The following DNAAF5 variants were observed in gnomAD, a reference collection of about 807,000 sequenced individuals.
DNAAF5 encodes dynein axonemal assembly factor 5.
DNAAF5 carries 64 observed loss-of-function variants against 75.8 expected under a neutral mutation model. The observed-to-expected ratio is 0.84, with a 90% CI of 0.69 to 1.04. The LOEUF is 1.04. Among genes scored for constraint, DNAAF5 ranks in the 50% least tolerant of loss-of-function variants. The pLI, the probability that DNAAF5 is intolerant of heterozygous loss-of-function variation, is 0.00. For missense variants in DNAAF5, 1,269 were observed against 1,178.5 expected (o/e 1.08, Z -1.12); for synonymous variants, 657 against 557.2 (o/e 1.18, Z -2.52).
chr7:740,471 G>T (rs1781868904), intron 2 of DNAAF5, among the ~76,000 whole-genome samples: 1 of 152,226 alleles, frequency 6.6e-6, no homozygotes, highest in Non-Finnish European at 1.5e-5. Context: ...AGAAGACTTT[G>T]AACACGCTGC....
Position 780,005 on chromosome 7 carries a change from C to T in DNAAF5, c.2292C>T (p.Ala764=), listed in dbSNP as rs1309513674. Reference sequence around the variant, plus strand: ...CCAACGATGTGAGGATGGCAGCCGCCTCCACCTTGGTCACCTGGCTGCAGT... The same window carrying T: ...CCAACGATGTGAGGATGGCAGCCGCTTCCACCTTGGTCACCTGGCTGCAGT... The part of the protein sequence containing the change: ...DVSNDVRMAA[A]STLVTWLQCV... Residue 764 remains alanine, a synonymous_variant, in exon 12 of 13, where the codon GCC becomes GCT. Coordinates refer to ENST00000297440, the MANE Select transcript of DNAAF5 (RefSeq NM_017802.4). 2 of 1,614,238 alleles carry T rather than the reference C, an allele frequency of 1.2e-6. No homozygotes were observed. Among genetic ancestry groups the T allele is most frequent in the South Asian group, 2.2e-5 (2 of 91,076 alleles).
At chr7:781,121 TA>T (rs777378576) in intron 12 of DNAAF5, among the ~76,000 whole-genome samples, 2 of 152,248 alleles carry the variant, frequency 1.3e-5, no homozygotes, top group Non-Finnish European at 2.9e-5. Context: ...TATCAAATAC[TA>T]AATCTTACTC....
chr7:765,313 C>T (rs913729699), intron 8 of DNAAF5, among the ~76,000 whole-genome samples: 1 of 152,216 alleles, frequency 6.6e-6, no homozygotes, highest in African/African-American at 2.4e-5. Flanking sequence ...GAGGCAGCGA[C>T]TCCAGAGCCT....
chr7:758,871 C>CG, intron 6 of DNAAF5, among the ~76,000 whole-genome samples: 1 of 151,928 alleles, frequency 6.6e-6, no homozygotes, highest in East Asian at 1.9e-4. Context: ...TTAGTAGAGA[C>CG]GGGGTTTCTC....
chr7:770,831 C>A, intron 9 of DNAAF5: 1 of 511,974 alleles, frequency 2.0e-6, no homozygotes, highest in Non-Finnish European at 3.5e-6. Flanking sequence ...CTAAGGTGGG[C>A]CGGGGGTCCC....
intron 6 of DNAAF5, among the ~76,000 whole-genome samples, chr7:757,219 G>C (rs547279923): frequency 6.6e-6 from 1 of 152,216 alleles, no homozygotes; most frequent in African/African-American, 2.4e-5. Context: ...CCGGGGCCTC[G>C]TCCTGGGCTG....
Position 774,129 on chromosome 7 carries a change from G to A in DNAAF5, c.2013G>A (p.Ala671=), listed in dbSNP as rs1231258358. The A allele has an allele frequency of 9.3e-6, 15 of 1,612,890 alleles. No individual in the cohort carries two copies. The highest frequency in any genetic ancestry group is 4.0e-5 in the African/African-American group (3 of 74,924). The change falls in exon 10 of 13, where the codon GCG becomes GCA. Residue 671 remains alanine (A), a synonymous_variant. Transcript: ENST00000297440. ...AGTGGCATGCGGGGAGGACAGCCGCGGCCATCCGCACGGCTGCCGTGTCCT... is the reference window on the plus strand; with the variant it reads ...AGTGGCATGCGGGGAGGACAGCCGCAGCCATCCGCACGGCTGCCGTGTCCT... The part of the protein sequence containing the change: ...NLQWHAGRTA[A]AIRTAAVSCL...
chr7:746,793 C>T (rs945704850), intron 4 of DNAAF5, among the ~76,000 whole-genome samples: 1 of 152,194 alleles, frequency 6.6e-6, no homozygotes, highest in Non-Finnish European at 1.5e-5. Flanking sequence ...CGCCTCTGTC[C>T]CCTGCATGTG....
At chr7:739,685 C>T (rs1027153035) in intron 2 of DNAAF5, among the ~76,000 whole-genome samples, 1 of 152,192 alleles carries the variant, frequency 6.6e-6, no homozygotes, top group Admixed American at 6.5e-5. Flanking sequence ...CTCACGGGAC[C>T]TTAGTGACGA....
At chr7:758,675 T>A (rs569210807) in intron 6 of DNAAF5, among the ~76,000 whole-genome samples, 12 of 152,266 alleles carry the variant, frequency 7.9e-5, no homozygotes, top group Non-Finnish European at 1.3e-4. Context: ...AATTTTTTTT[T>A]ATTTATTTTT....
At chr7:784,667 TG>T (rs1379001667) in intron 12 of DNAAF5, among the ~76,000 whole-genome samples, 1 of 152,194 alleles carries the variant, frequency 6.6e-6, no homozygotes, top group Non-Finnish European at 1.5e-5. Context: ...TCCGTAAGCA[TG>T]GGTTCATTTC....
chr7:770,806 T>G, intron 9 of DNAAF5, 188 bp downstream of exon 9: 1 of 533,316 alleles, frequency 1.9e-6, no homozygotes, highest in Non-Finnish European at 3.3e-6. Flanking sequence ...CCCACCTCCC[T>G]CCCCCACGCC....
In DNAAF5 at chr7:754,933, C is replaced by T. The variant is rs1174654146; in HGVS notation, c.1257+112C>T. 2 of 810,518 alleles carry T rather than the reference C, an allele frequency of 2.5e-6. No individual in the cohort carries two copies. The highest frequency in any genetic ancestry group is 2.7e-5 in the East Asian group (1 of 36,904). The allele number at this position is 810,518 out of a possible 1,614,324, so 50.2% of individuals were successfully genotyped here. On this transcript the variant is annotated intron_variant, in intron 5 of 12. Coordinates refer to ENST00000297440, the MANE Select transcript of DNAAF5 (RefSeq NM_017802.4). The surrounding 1 kb of genome is among the most constrained non-coding windows in gnomAD (Gnocchi z 4.8). ...ACTGTAGCCAAGACAGCGTTCCCCT[C>T]ACCCCCGGGCCGCAGGCCCTCCCCA... is the stretch of plus-strand genomic sequence containing the variant.
At chr7:727,984 C>A (rs1239000120) in intron 1 of DNAAF5, among the ~76,000 whole-genome samples, 4 of 151,942 alleles carry the variant, frequency 2.6e-5, no homozygotes, top group African/African-American at 9.7e-5. Flanking sequence ...TGAGGGCACG[C>A]GCTTTGAGAC....
chr7:776,373 T>G (rs1008156515), intron 11 of DNAAF5, among the ~76,000 whole-genome samples: 1 of 152,204 alleles, frequency 6.6e-6, no homozygotes, highest in African/African-American at 2.4e-5. Flanking sequence ...ATCTTTGACT[T>G]CTGTTCAAGT....
At chr7:758,715 C>T (rs1782558938) in intron 6 of DNAAF5, among the ~76,000 whole-genome samples, 1 of 152,022 alleles carries the variant, frequency 6.6e-6, no homozygotes, top group Non-Finnish European at 1.5e-5. Context: ...CAGAGTCTTG[C>T]TCTGTCACCC....
chr7:784,239 G>C (rs1386744128), intron 12 of DNAAF5, among the ~76,000 whole-genome samples: 1 of 152,190 alleles, frequency 6.6e-6, no homozygotes, highest in Non-Finnish European at 1.5e-5. Flanking sequence ...CCTCGCCCAT[G>C]TGGGCCCCTC....
intron 12 of DNAAF5, among the ~76,000 whole-genome samples, chr7:781,436 G>A (rs972184916): frequency 2.6e-5 from 4 of 152,256 alleles, no homozygotes; most frequent in South Asian, 2.1e-4. Flanking sequence ...TGGACACCCC[G>A]GTTGCTTCCA....
intron 11 of DNAAF5, among the ~76,000 whole-genome samples, chr7:776,077 C>T (rs1453793388): frequency 3.3e-5 from 5 of 152,126 alleles, no homozygotes; most frequent in Admixed American, 6.5e-5. Context: ...CGGTGGCTCA[C>T]GCCTGTAATC....
Sources: gnomAD v4.1 joint callset for allele counts (sites outside exome capture counted in the v4.1 genomes callset) on GRCh38, gnomAD v4.1.1 for gene constraint, Gnocchi (gnomAD v3.1) non-coding constraint, MANE v1.5 for transcripts, NCBI Gene and HGNC (gene_info 2026-07-23, HGNC 2026-07-21) for gene names.